Variants in MAGI2 observed in about 807,000 individuals in gnomAD.
The protein encoded by MAGI2 is membrane-associated guanylate kinase, WW and PDZ domain-containing protein 2.
Under a neutral mutation model 133.3 loss-of-function variants are expected in MAGI2, and 35 were observed. The observed-to-expected ratio is 0.26, with a 90% CI of 0.20 to 0.35. The LOEUF is 0.35. Ranked by LOEUF, MAGI2 falls within the 10% of genes least tolerant of loss-of-function variation. MAGI2 has a pLI of 1.00. For synonymous variants in MAGI2, 729 were observed against 710.6 expected (o/e 1.03, Z -0.41); for missense variants, 1,636 against 1,863.4 (o/e 0.88, Z 2.25).
intron 2 of MAGI2, among the ~76,000 whole-genome samples, chr7:78,736,241 CAG>C (rs757389373): frequency 6.6e-5 from 10 of 152,072 alleles, no homozygotes; most frequent in East Asian, 1.9e-4. Context: ...ATTAGTTTTC[CAG>C]AGAGTATCTA....
chr7:78,785,094 G>A (rs1259836472), intron 2 of MAGI2, among the ~76,000 whole-genome samples: 2 of 152,048 alleles, frequency 1.3e-5, no homozygotes, highest in East Asian at 3.9e-4. Context: ...TAAACAAAAT[G>A]AACAAAATTC....
chr7:78,520,213 C>A (rs1796379357), intron 4 of MAGI2, among the ~76,000 whole-genome samples: 1 of 152,076 alleles, frequency 6.6e-6, no homozygotes, highest in Admixed American at 6.5e-5. Flanking sequence ...AGGTTTTATA[C>A]CTTGATTAGC....
chr7:78,127,534 G>T, intron 18 of MAGI2, 118 bp from the exon 19 acceptor site: 1 of 674,296 alleles, frequency 1.5e-6, no homozygotes, highest in South Asian at 1.7e-5. Context: ...ACTCCTCTCG[G>T]TGGTCCTGTT....
intron 6 of MAGI2, among the ~76,000 whole-genome samples, chr7:78,437,304 T>C (rs1246206648): frequency 6.6e-6 from 1 of 152,192 alleles, no homozygotes; most frequent in East Asian, 1.9e-4. Flanking sequence ...AGACAAGGTC[T>C]TGTTCTTTCT....
chr7:78,152,211 A>T (rs966385254), intron 16 of MAGI2, among the ~76,000 whole-genome samples: 2 of 152,212 alleles, frequency 1.3e-5, no homozygotes, highest in African/African-American at 4.8e-5. Flanking sequence ...TTCCAAGCAC[A>T]GTGCCTGGGA....
At chr7:78,078,878 T>A (rs1396046735) in intron 21 of MAGI2, 69 bp downstream of exon 21, 2 of 1,588,490 alleles carry the variant, frequency 1.3e-6, no homozygotes, top group African/African-American at 2.7e-5. Context: ...TGTAGTTTTA[T>A]AAATAACCAT....
At chr7:78,749,582 A>G (rs1823260107) in intron 2 of MAGI2, among the ~76,000 whole-genome samples, 1 of 152,222 alleles carries the variant, frequency 6.6e-6, no homozygotes, top group South Asian at 2.1e-4. Context: ...CACACTGGAA[A>G]GAGCTGAAGC....
intron 6 of MAGI2, among the ~76,000 whole-genome samples, chr7:78,449,479 T>C (rs17150791): frequency 0.063 from 9,569 of 152,046 alleles, 1,029 homozygotes; most frequent in African/African-American, 0.22. Context: ...ATAAATACGA[T>C]GGAAATAAAA....
intron 12 of MAGI2, among the ~76,000 whole-genome samples, chr7:78,194,461 C>G (rs768317174): frequency 5.3e-5 from 8 of 151,976 alleles, no homozygotes; most frequent in Non-Finnish European, 7.4e-5. Context: ...ACAATTTACT[C>G]AAGGTCCTAA....
At chr7:79,248,524 T>A (rs946430692) in intron 1 of MAGI2, among the ~76,000 whole-genome samples, 1 of 152,178 alleles carries the variant, frequency 6.6e-6, no homozygotes, top group African/African-American at 2.4e-5. Flanking sequence ...TGGACTTATA[T>A]AGATATTTAG....
chr7:78,058,351 C>T (rs2151128271), intron 21 of MAGI2, among the ~76,000 whole-genome samples: 1 of 152,216 alleles, frequency 6.6e-6, no homozygotes, highest in South Asian at 2.1e-4. Context: ...CCTCCCTCCC[C>T]CCACTTTTCC....
intron 6 of MAGI2, among the ~76,000 whole-genome samples, chr7:78,476,014 A>G (rs1234275928): frequency 1.3e-5 from 2 of 151,998 alleles, no homozygotes; most frequent in East Asian, 3.9e-4. Flanking sequence ...GGAGCTTAGC[A>G]TACTATCTTC....
At chr7:78,501,537 G>A in intron 5 of MAGI2, 40 bp downstream of exon 5, 1 of 1,324,090 alleles carries the variant, frequency 7.6e-7, no homozygotes, top group East Asian at 2.5e-5. Context: ...ATCCCGCTAT[G>A]ACCTTTTTGG....
At chr7:78,246,480 C>A (rs910168439) in intron 10 of MAGI2, among the ~76,000 whole-genome samples, 1 of 152,122 alleles carries the variant, frequency 6.6e-6, no homozygotes, top group South Asian at 2.1e-4. Flanking sequence ...CTGAGACACC[C>A]TGGCCCGCAC....
intron 6 of MAGI2, among the ~76,000 whole-genome samples, chr7:78,464,207 A>G (rs1242191388): frequency 3.3e-5 from 5 of 152,122 alleles, no homozygotes; most frequent in Admixed American, 1.3e-4. Context: ...GCTGGGACCT[A>G]CAAATGCATC....
intron 3 of MAGI2, among the ~76,000 whole-genome samples, chr7:78,610,582 C>T (rs1422829159): frequency 6.6e-6 from 1 of 152,184 alleles, no homozygotes; most frequent in African/African-American, 2.4e-5. Context: ...GCTGGAAGCA[C>T]AGATTTAAAC....
At chr7:78,557,097 A>AAAAAAAAAAAGAAAG (rs1554473311) in intron 3 of MAGI2, among the ~76,000 whole-genome samples, 10 of 138,956 alleles carry the variant, frequency 7.2e-5, no homozygotes, top group African/African-American at 2.7e-4. Context: ...AAAAAAAAAA[A>AAAAAAAAAAAGAAAG]AAAGAAAAAG....
chr7:79,162,775 A>T (rs1379078371), intron 1 of MAGI2, among the ~76,000 whole-genome samples: 3 of 152,108 alleles, frequency 2.0e-5, no homozygotes, highest in Non-Finnish European at 4.4e-5. Context: ...AACAATGCTT[A>T]TGTTTTCTAT....
At chr7:78,190,399 A>G (rs765140131) in intron 12 of MAGI2, among the ~76,000 whole-genome samples, 2 of 152,200 alleles carry the variant, frequency 1.3e-5, no homozygotes, top group Non-Finnish European at 2.9e-5. Flanking sequence ...ACATTTAGAG[A>G]TATGCTTTTC....
Sources: allele counts gnomAD v4.1 joint callset (sites outside exome capture counted in the v4.1 genomes callset), GRCh38; gene constraint gnomAD v4.1.1; transcripts MANE v1.5; gene names NCBI Gene and HGNC (gene_info 2026-07-23, HGNC 2026-07-21).